The following PLK5 variants were observed in gnomAD, a reference collection of about 807,000 sequenced individuals.
PLK5 encodes inactive serine/threonine-protein kinase PLK5.
PLK5 carries 28 observed loss-of-function variants against 33.7 expected under a neutral mutation model. That is an observed-to-expected ratio of 0.83 (90% CI 0.62 to 1.14). The LOEUF is 1.14. Ranked by LOEUF, PLK5 falls within the 50% of genes most tolerant of loss-of-function variation. The pLI, the probability that PLK5 is intolerant of heterozygous loss-of-function variation, is 0.00. For missense variants in PLK5, 492 were observed against 461.5 expected (o/e 1.07, Z -0.61); for synonymous variants, 225 against 202.2 (o/e 1.11, Z -0.96).
chr19:1,529,624 G>A, intron 10 of PLK5, 123 bp from the exon 11 acceptor site: 1 of 1,405,550 alleles, frequency 7.1e-7, no homozygotes, highest in Non-Finnish European at 9.7e-7. Flanking sequence ...TGTCAAATGG[G>A]AATGCCGCCT....
Position 1,531,860 on chromosome 19 carries a change from C to T in PLK5, c.691C>T (p.His231Tyr), listed in dbSNP as rs1458122454. 1.7e-5 allele frequency: 26 copies of T among 1,506,290 alleles called. No homozygotes were observed. The highest frequency in any genetic ancestry group is 2.3e-5 in the Non-Finnish European group (26 of 1,132,180). The allele number at this position is 1,506,290 out of a possible 1,614,324, so 93.3% of individuals were successfully genotyped here. Reference protein sequence around the residue: ...LDGGRTGRHPHGPATPRREGT... With the variant: ...LDGGRTGRHPYGPATPRREGT... Reference sequence around the variant, plus strand: ...CGGGGGGCGCACGGGACGGCACCCACATGGCCCTGCGACCCCCCGGAGGGT... The same window carrying T: ...CGGGGGGCGCACGGGACGGCACCCATATGGCCCTGCGACCCCCCGGAGGGT... Residue 231 changes from histidine (H) to tyrosine (Y), a missense_variant, in exon 12 of 14, where the codon CAT becomes TAT. His to Tyr is a moderately conservative substitution (Grantham distance 83). Transcript: ENST00000454744.
At chr19:1,527,684 G>A (rs968444574) in intron 6 of PLK5, among the ~76,000 whole-genome samples, 7 of 151,700 alleles carry the variant, frequency 4.6e-5, no homozygotes, top group Admixed American at 1.3e-4. Context: ...ATGGACAGAC[G>A]CTGGTGTCCA....
chr19:1,534,984 A>G lies in PLK5; in HGVS notation c.826-81A>G, dbSNP rs1426068739. The G allele has an allele frequency of 1.2e-5, 15 of 1,298,354 alleles. No homozygotes were observed. The East Asian group carries it at 3.7e-4, about 32-fold the overall frequency. 80.4% of individuals were successfully genotyped at this position (1,298,354 alleles called of 1,614,324 possible). A position where few individuals can be genotyped will look rare whatever the true frequency, so the allele number is the denominator to read the frequency against. Reference sequence around the variant, plus strand: ...ACTGGGGGCTCTGGGTCCAGTGTCCACTTGTCCTTCTGGAGCGCCACGGCT... The same window carrying G: ...ACTGGGGGCTCTGGGTCCAGTGTCCGCTTGTCCTTCTGGAGCGCCACGGCT... On this transcript the variant is annotated intron_variant, in intron 13 of 13. Coordinates refer to ENST00000454744, the MANE Select transcript of PLK5 (RefSeq NM_001243079.2).
intron 4 of PLK5, 36 bp downstream of exon 4, chr19:1,526,651 T>G: frequency 2.8e-6 from 1 of 357,030 alleles, no homozygotes; most frequent in Non-Finnish European, 5.3e-6. Context: ...GGCGGGGGCG[T>G]CGGGAGGTGG....
rs573936789 is a variant in PLK5, at chr19:1,535,584, G to A, written c.*334G>A. On this transcript the variant is annotated 3_prime_UTR_variant, in exon 14 of 14. Transcript: ENST00000454744. ...AGAGGTGGGTTACATTTTCACTAAT[G>A]CAGACATTAGCACCAGAGGCCAGTG... is the stretch of plus-strand genomic sequence containing the variant. 1.4e-4 allele frequency: 45 copies of A among 314,460 alleles called. No individual in the cohort carries two copies. Among genetic ancestry groups the A allele is most frequent in the African/African-American group, 9.6e-4 (43 of 44,608 alleles). The allele number at this position is 314,460 out of a possible 1,614,324, so 19.5% of individuals were successfully genotyped here. A position where few individuals can be genotyped will look rare whatever the true frequency, so the allele number is the denominator to read the frequency against.
At chr19:1,530,760 C>A (rs1370747397) in intron 11 of PLK5, among the ~76,000 whole-genome samples, 1 of 151,606 alleles carries the variant, frequency 6.6e-6, no homozygotes, top group Admixed American at 6.6e-5. Flanking sequence ...GCTGGGACTA[C>A]AGGCACCCGC....
chr19:1,526,930 G>A lies in PLK5; in HGVS notation c.-67G>A, dbSNP rs1913757796. On this transcript the variant is annotated 5_prime_UTR_variant, in exon 6 of 14. Coordinates refer to ENST00000454744, the MANE Select transcript of PLK5 (RefSeq NM_001243079.2). ...TACTCTGTGGGACCCCTAACTTCCT[G>A]GACCCTGAGGTTGTCTCCAGAAACG... 6.5e-7 allele frequency: 1 copy of A among 1,527,968 alleles called. No individual in the cohort carries two copies. The highest frequency in any genetic ancestry group is 8.8e-7 in the Non-Finnish European group (1 of 1,139,672). The allele number at this position is 1,527,968 out of a possible 1,614,324, so 94.7% of individuals were successfully genotyped here.
At chr19:1,530,378 C>T (rs952781099) in intron 11 of PLK5, among the ~76,000 whole-genome samples, 2 of 152,032 alleles carry the variant, frequency 1.3e-5, no homozygotes, top group Non-Finnish European at 2.9e-5. Flanking sequence ...CTCATCACAA[C>T]CTCCACCTCC....
At chr19:1,529,611 G>T (rs980260655) in intron 10 of PLK5, 121 bp downstream of exon 10, 3 of 1,408,864 alleles carry the variant, frequency 2.1e-6, no homozygotes, top group Non-Finnish European at 2.9e-6. Context: ...CACCTTTCCC[G>T]CCTGTCAAAT....
intron 6 of PLK5, 63 bp from the exon 7 acceptor site, chr19:1,527,873 G>C: frequency 1.4e-6 from 2 of 1,469,446 alleles, no homozygotes; most frequent in Non-Finnish European, 1.8e-6. Context: ...GTCTGGCCAA[G>C]TGTGCAGGGG....
chr19:1,528,983 T>C lies in PLK5; in HGVS notation c.405+9T>C, dbSNP rs930900610. ...TGGAGTGGGACGGCGAGGTGAGACA[T>C]CGGGGTGGGGGACACGGGGAGACAC... On this transcript the variant is annotated intron_variant, in intron 9 of 13. Transcript: ENST00000454744. 4 of 1,501,132 alleles carry C rather than the reference T, an allele frequency of 2.7e-6. No individual in the cohort carries two copies. The highest frequency in any genetic ancestry group is 2.2e-5 in the Admixed American group (1 of 44,726). 93.0% of individuals were successfully genotyped at this position (1,501,132 alleles called of 1,614,324 possible).
Position 1,524,536 on chromosome 19 carries a change from C to A in PLK5, c.-544+290C>A, listed in dbSNP as rs775469988. ...CCCCTGGGTGTGTGTGCGAGCCTGG[C>A]GAGGGTCTGAGTGTGCCGCGTCTGT... On this transcript the variant is annotated intron_variant, in intron 1 of 13. Transcript: ENST00000454744. The surrounding 1 kb of genome is among the most constrained non-coding windows in gnomAD (Gnocchi z 4.5). 3.3e-5 allele frequency among the ~76,000 whole-genome samples: 5 copies of A among 151,830 alleles called. No individual in the cohort carries two copies. Among genetic ancestry groups the A allele is most frequent in the Admixed American group, 6.6e-5 (1 of 15,234 alleles).
intron 6 of PLK5, 48 bp downstream of exon 6, chr19:1,527,046 G>C: frequency 1.6e-6 from 2 of 1,255,294 alleles, no homozygotes; most frequent in South Asian, 1.3e-5. Flanking sequence ...GGGGGGGCAG[G>C]TGTGGCGGGG....
chr19:1,528,344 C>T lies in PLK5; in HGVS notation c.244C>T (p.Pro82Ser). ...GCTGCCGGCCCACTCCTGCCACAGT[C>T]CCCCCATCTTCGCCATACCCCCGCC... Reference protein sequence around the residue: ...DRLPAHSCHSPPIFAIPPPLG... With the variant: ...DRLPAHSCHSSPIFAIPPPLG... Residue 82 changes from proline to serine, a missense_variant, in exon 8 of 14, where the codon CCC becomes TCC. Coordinates refer to ENST00000454744, the MANE Select transcript of PLK5 (RefSeq NM_001243079.2). The T allele has an allele frequency of 6.5e-7, 1 of 1,535,764 alleles. No homozygotes were observed. Among genetic ancestry groups the T allele is most frequent in the Non-Finnish European group, 8.7e-7 (1 of 1,146,762 alleles).
At chr19:1,532,042 G>A (rs944194026) in intron 12 of PLK5, among the ~76,000 whole-genome samples, 159 bp downstream of exon 12, 4 of 152,216 alleles carry the variant, frequency 2.6e-5, no homozygotes, top group African/African-American at 9.6e-5. Flanking sequence ...GTGCGTTTCT[G>A]TAGTAAATGA....
intron 12 of PLK5, among the ~76,000 whole-genome samples, chr19:1,532,617 G>A (rs1913965089): frequency 6.6e-6 from 1 of 151,484 alleles, no homozygotes; most frequent in East Asian, 1.9e-4. Context: ...CCACCTCCCG[G>A]GTTCACACCA....
chr19:1,524,273 G>C lies in PLK5; in HGVS notation c.-544+27G>C, dbSNP rs1179470402. On this transcript the variant is annotated intron_variant, in intron 1 of 13. Transcript: ENST00000454744. The surrounding 1 kb of genome is among the most constrained non-coding windows in gnomAD (Gnocchi z 4.5). ...TGGGAGGCCCGCGCCCCGAGTCCGC[G>C]ACGGGGCCGGACCGGGCTGGGCTGG... 1.3e-5 allele frequency: 2 copies of C among 150,730 alleles called. No individual in the cohort carries two copies. Among genetic ancestry groups the C allele is most frequent in the Non-Finnish European group, 3.0e-5 (2 of 67,510 alleles). 9.3% of individuals were successfully genotyped at this position (150,730 alleles called of 1,614,324 possible). A position where few individuals can be genotyped will look rare whatever the true frequency, so the allele number is the denominator to read the frequency against.
At position 1,529,762 on chromosome 19, in the gene PLK5, G is replaced by A. The variant is rs1913872199; in HGVS notation, c.506G>A (p.Arg169Gln). ...QSDLAGPEGSRRPEVEAALRH... is the reference protein window; with the variant it reads ...QSDLAGPEGSQRPEVEAALRH... ...GTCTTCCCAGGGCCCGAGGGGAGCC[G>A]GCGGCCAGAGGTGGAGGCGGCCCTC... The change falls in exon 11 of 14, where the codon CGG becomes CAG. Residue 169 changes from arginine (R) to glutamine (Q), a missense_variant. Physicochemically the swap from Arg to Gln is conservative, Grantham distance 43. Coordinates refer to ENST00000454744, the MANE Select transcript of PLK5 (RefSeq NM_001243079.2). 3.9e-6 allele frequency: 6 copies of A among 1,536,066 alleles called. No individual in the cohort carries two copies. The South Asian group carries it at 4.8e-5, about 12-fold the overall frequency.
Position 1,529,434 on chromosome 19 carries a change from G to T in PLK5, c.434G>T (p.Cys145Phe). The change falls in exon 10 of 14, where the codon TGC (cysteine) becomes TTC (phenylalanine). Residue 145 changes from cysteine to phenylalanine, a missense_variant. Coordinates refer to ENST00000454744, the MANE Select transcript of PLK5 (RefSeq NM_001243079.2). ...ESSLSAKEVP[C>F]LEGPIHLVAQ... ...TCCCTGTCTGCGAAAGAGGTTCCCT[G>T]CCTGGAAGGCCCCATCCACCTGGTC... 1 of 1,535,992 alleles carries T rather than the reference G, an allele frequency of 6.5e-7. No homozygotes were observed. The highest frequency in any genetic ancestry group is 8.7e-7 in the Non-Finnish European group (1 of 1,146,860).
Sources: allele counts gnomAD v4.1 joint callset (sites outside exome capture counted in the v4.1 genomes callset), GRCh38; gene constraint gnomAD v4.1.1; non-coding constraint Gnocchi (gnomAD v3.1); transcripts MANE v1.5; gene names NCBI Gene and HGNC (gene_info 2026-07-23, HGNC 2026-07-21).